Variants in NFAT5 observed in about 807,000 individuals in gnomAD.
NFAT5 encodes the protein nuclear factor of activated T-cells 5.
Under a neutral mutation model 166.5 loss-of-function variants are expected in NFAT5, and 31 were observed. The observed-to-expected ratio is 0.19, with a 90% CI of 0.14 to 0.25. NFAT5 has a LOEUF of 0.25. Among genes scored for constraint, NFAT5 ranks in the 10% least tolerant of loss-of-function variants. The pLI, the probability that NFAT5 is intolerant of heterozygous loss-of-function variation, is 1.00. For synonymous variants in NFAT5, 612 were observed against 639.7 expected, an observed-to-expected ratio of 0.96 and a Z score of 0.65; for missense variants, 1,449 against 1,821.8, an observed-to-expected ratio of 0.80 and a Z score of 3.72.
At chr16:69,682,287 A>G (rs1416910060) in intron 10 of NFAT5, among the ~76,000 whole-genome samples, 1 of 137,026 alleles carries the variant, frequency 7.3e-6, no homozygotes, top group African/African-American at 2.9e-5. Flanking sequence ...GGAATGTAAT[A>G]TTTAACATTT....
At chr16:69,646,780 C>T (rs964504718) in intron 3 of NFAT5, among the ~76,000 whole-genome samples, 8 of 152,102 alleles carry the variant, frequency 5.3e-5, no homozygotes, top group African/African-American at 1.4e-4. Flanking sequence ...CAGCTTAAAA[C>T]GTTAAATGAG....
At chr16:69,567,687 CTG>C (rs1472283959) in intron 1 of NFAT5, among the ~76,000 whole-genome samples, 1 of 152,114 alleles carries the variant, frequency 6.6e-6, no homozygotes, top group Non-Finnish European at 1.5e-5. Flanking sequence ...TAGCCACTGT[CTG>C]TTGCTCCAAT....
chr16:69,599,972 T>G (rs1365106605), intron 2 of NFAT5, among the ~76,000 whole-genome samples: 2 of 152,198 alleles, frequency 1.3e-5, no homozygotes, highest in Non-Finnish European at 2.9e-5. Context: ...TAATGAATTA[T>G]TCTGGCTACA....
chr16:69,597,439 G>A (rs74736041), intron 2 of NFAT5, among the ~76,000 whole-genome samples: 4,901 of 152,150 alleles, frequency 0.032, 216 homozygotes, highest in East Asian at 0.23. Flanking sequence ...TTGAAAATAG[G>A]TTAACAGTGC....
chr16:69,582,218 T>C (rs1405507631), intron 2 of NFAT5, among the ~76,000 whole-genome samples: 5 of 152,164 alleles, frequency 3.3e-5, no homozygotes, highest in Non-Finnish European at 5.9e-5. Flanking sequence ...TGAGTCGAGA[T>C]TGTGCATCTG....
intron 2 of NFAT5, among the ~76,000 whole-genome samples, chr16:69,622,041 G>A (rs1421249481): frequency 6.6e-6 from 1 of 152,180 alleles, no homozygotes; most frequent in African/African-American, 2.4e-5. Context: ...AGTGGAGACT[G>A]TAAAAGCATT....
In NFAT5 at chr16:69,703,677, T is replaced by C. The variant is rs897912690; in HGVS notation, c.*7326T>C. The C allele has an allele frequency of 6.6e-6, 1 of 152,658 alleles. No individual in the cohort carries two copies. Among genetic ancestry groups the C allele is most frequent in the African/African-American group, 2.4e-5 (1 of 41,456 alleles). 9.5% of individuals were successfully genotyped at this position (152,658 alleles called of 1,614,324 possible). On this transcript the variant is annotated 3_prime_UTR_variant, in exon 15 of 15. Transcript: ENST00000349945. Reference sequence around the variant, plus strand: ...CAGTGGAAATGTAAGTGGCTTACTCTACAAATTTTGGTGCTGGCAAATACA... The same window carrying C: ...CAGTGGAAATGTAAGTGGCTTACTCCACAAATTTTGGTGCTGGCAAATACA...
At position 69,699,758 on chromosome 16, in the gene NFAT5, T is replaced by C. The variant is rs2037863470; in HGVS notation, c.*3407T>C. 1 of 152,576 alleles carries C rather than the reference T, an allele frequency of 6.6e-6. No homozygotes were observed. Among genetic ancestry groups the C allele is most frequent in the African/African-American group, 2.4e-5 (1 of 41,458 alleles). The allele number at this position is 152,576 out of a possible 1,614,324, so 9.5% of individuals were successfully genotyped here. On this transcript the variant is annotated 3_prime_UTR_variant, in exon 15 of 15. Coordinates refer to ENST00000349945, the MANE Select transcript of NFAT5 (RefSeq NM_138713.4). ...AGCCACCTTTTCTTCTTTATATTGTTACATTTAAGTGTTCTTGCTTTCAGC... is the reference window on the plus strand; with the variant it reads ...AGCCACCTTTTCTTCTTTATATTGTCACATTTAAGTGTTCTTGCTTTCAGC...
chr16:69,578,960 C>T (rs961701504), intron 2 of NFAT5, among the ~76,000 whole-genome samples: 1 of 151,808 alleles, frequency 6.6e-6, no homozygotes, highest in East Asian at 1.9e-4. Flanking sequence ...CTGCAAGCTC[C>T]TCCTCCCAGG....
At chr16:69,624,149 G>A (rs1235969066) in intron 2 of NFAT5, among the ~76,000 whole-genome samples, 1 of 152,168 alleles carries the variant, frequency 6.6e-6, no homozygotes, top group Non-Finnish European at 1.5e-5. Flanking sequence ...ATGATTTGAA[G>A]ATGAACATTT....
rs1354604013 is a variant in NFAT5 at position 69,698,500 on chromosome 16, G to C, written c.*2149G>C. On this transcript the variant is annotated 3_prime_UTR_variant, in exon 15 of 15. Coordinates refer to ENST00000349945, the MANE Select transcript of NFAT5 (RefSeq NM_138713.4). ...TGGCGTCTGATAACAGTGAGGGGGG[G>C]TGGGGTTTGTTATGTCTTTATTGAG... 1 of 151,192 alleles carries C rather than the reference G, an allele frequency of 6.6e-6. No homozygotes were observed. Among genetic ancestry groups the C allele is most frequent in the African/African-American group, 2.4e-5 (1 of 41,012 alleles). The allele number at this position is 151,192 out of a possible 1,614,324, so 9.4% of individuals were successfully genotyped here.
intron 2 of NFAT5, among the ~76,000 whole-genome samples, chr16:69,613,526 G>A (rs887320092): frequency 2.6e-5 from 4 of 152,130 alleles, no homozygotes; most frequent in Admixed American, 2.0e-4. Context: ...CGTGTTCTGA[G>A]TAACTGAGTT....
intron 3 of NFAT5, among the ~76,000 whole-genome samples, chr16:69,631,157 G>A (rs572365126): frequency 6.6e-6 from 1 of 152,176 alleles, no homozygotes; most frequent in South Asian, 2.1e-4. Flanking sequence ...ACTAGGCCGG[G>A]TACACTGGCT....
rs2037816516 is a variant in NFAT5, at chr16:69,697,979, C to G, written c.*1628C>G. ...TTTCTATCCTGTACATTTAGTTGAA[C>G]TGTGCGGAATTGTGGTGTTGGTTTT... On this transcript the variant is annotated 3_prime_UTR_variant, in exon 15 of 15. Coordinates refer to ENST00000349945, the MANE Select transcript of NFAT5 (RefSeq NM_138713.4). The G allele has an allele frequency of 7.2e-6, 1 of 139,648 alleles. No individual in the cohort carries two copies. The highest frequency in any genetic ancestry group is 2.3e-4 in the South Asian group (1 of 4,378). The allele number at this position is 139,648 out of a possible 1,614,324, so 8.7% of individuals were successfully genotyped here. A position where few individuals can be genotyped will look rare whatever the true frequency, so the allele number is the denominator to read the frequency against.
chr16:69,686,513 G>T (rs2037312116), intron 11 of NFAT5, among the ~76,000 whole-genome samples: 2 of 152,024 alleles, frequency 1.3e-5, no homozygotes, highest in East Asian at 1.9e-4. Context: ...AAGGAACAAG[G>T]TTCTCAAAAA....
chr16:69,626,534 C>A lies in NFAT5; in HGVS notation c.253+6C>A. The A allele has an allele frequency of 2.0e-6, 3 of 1,537,518 alleles. No homozygotes were observed. The highest frequency in any genetic ancestry group is 2.6e-6 in the Non-Finnish European group (3 of 1,146,712). ...TCCAGCTGTTGTTGCTGCTGGTATGCATTTCATTTTACTTTATTAAAGAAA... is the reference window on the plus strand; with the variant it reads ...TCCAGCTGTTGTTGCTGCTGGTATGAATTTCATTTTACTTTATTAAAGAAA... On this transcript the variant is annotated splice_donor_region_variant and intron_variant, in intron 3 of 14. Coordinates refer to ENST00000349945, the MANE Select transcript of NFAT5 (RefSeq NM_138713.4).
intron 2 of NFAT5, among the ~76,000 whole-genome samples, chr16:69,577,009 T>G (rs1181123258): frequency 6.6e-6 from 1 of 152,222 alleles, no homozygotes; most frequent in East Asian, 1.9e-4. Context: ...CAAGAAGAGA[T>G]GAGCAACAGA....
At chr16:69,628,943 G>A (rs1449967199) in intron 3 of NFAT5, among the ~76,000 whole-genome samples, 3 of 152,230 alleles carry the variant, frequency 2.0e-5, no homozygotes, top group African/African-American at 4.8e-5. Flanking sequence ...GCGTGGTGGC[G>A]GGCGCCTGTA....
chr16:69,684,799 T>C (rs2151702628), intron 10 of NFAT5, 88 bp from the exon 11 acceptor site: 1 of 803,930 alleles, frequency 1.2e-6, no homozygotes, highest in East Asian at 2.9e-5. Context: ...TGATACTTTG[T>C]GACAAGATAT....
Sources: gnomAD v4.1 joint callset for allele counts (sites outside exome capture counted in the v4.1 genomes callset) on GRCh38, gnomAD v4.1.1 for gene constraint, MANE v1.5 for transcripts, NCBI Gene and HGNC (gene_info 2026-07-23, HGNC 2026-07-21) for gene names.